KMT2A: variants seen among roughly 807,000 people sequenced by gnomAD.
KMT2A encodes histone-lysine N-methyltransferase 2A.
In KMT2A, 16 loss-of-function variants were observed where a neutral mutation model predicts 345.3. The ratio of observed to expected loss-of-function variants is 0.05; its 90% CI spans 0.03 to 0.07. The LOEUF is 0.07. Among genes scored for constraint, KMT2A ranks in the 10% least tolerant of loss-of-function variants. The pLI is 1.00. For missense variants in KMT2A, 3,272 were observed against 4,841.6 expected, an observed-to-expected ratio of 0.68 and a Z score of 9.62; for synonymous variants, 1,599 against 1,778.6, an observed-to-expected ratio of 0.90 and a Z score of 2.54.
At chr11:118,513,998 C>G (rs1555050877) in intron 31 of KMT2A, among the ~76,000 whole-genome samples, 2 of 146,846 alleles carry the variant, frequency 1.4e-5, no homozygotes, top group Admixed American at 6.8e-5. Context: ...TTTTAAAATT[C>G]TACCCCAAAA....
chr11:118,454,593 G>A (rs1051062869), intron 1 of KMT2A, among the ~76,000 whole-genome samples: 6 of 152,180 alleles, frequency 3.9e-5, no homozygotes, highest in East Asian at 3.8e-4. Context: ...CCCAACTTAC[G>A]AAGGGGCTAC....
rs956277494 is a variant in KMT2A at position 118,511,855 on chromosome 11, G to A, written c.11072-96G>A. The A allele has an allele frequency of 4.5e-5, 42 of 936,262 alleles. No homozygotes were observed. In the East Asian group the frequency reaches 9.3e-4, roughly 21 times the overall value. 58.0% of individuals were successfully genotyped at this position (936,262 alleles called of 1,614,324 possible). ...CTCTAGGAGGGCAAGTGTTCACACT[G>A]TAGGGATTCTAAGCAGTGCTTGTGC... is the stretch of plus-strand genomic sequence containing the variant. On this transcript the variant is annotated intron_variant, in intron 30 of 35. Transcript: ENST00000534358.
Position 118,472,331 on chromosome 11 carries a change from C to T in KMT2A, c.1172C>T (p.Ala391Val), listed in dbSNP as rs1555035831. The T allele has an allele frequency of 6.2e-7, 1 of 1,614,142 alleles. No individual in the cohort carries two copies. The highest frequency in any genetic ancestry group is 8.5e-7 in the Non-Finnish European group (1 of 1,180,024). ...KGAQKKIEKEAAQLQGRKVKT... is the reference protein window; with the variant it reads ...KGAQKKIEKEVAQLQGRKVKT... ...GCTCAAAAGAAAATTGAAAAAGAAGCAGCTCAGCTGCAGGGAAGAAAGGTG... is the reference window on the plus strand; with the variant it reads ...GCTCAAAAGAAAATTGAAAAAGAAGTAGCTCAGCTGCAGGGAAGAAAGGTG... The change falls in exon 3 of 36, where the codon GCA (alanine) becomes GTA (valine). Residue 391 changes from alanine to valine, a missense_variant. This residue lies in a region of KMT2A where 412 missense variants were observed against 511.0 expected (regional missense o/e 0.81). Coordinates refer to ENST00000534358, the MANE Select transcript of KMT2A (RefSeq NM_001197104.2).
rs144742133 is a variant in KMT2A, at chr11:118,521,986, G to T, written c.11733G>T (p.Ser3911=). 1 of 1,614,066 alleles carries T rather than the reference G, an allele frequency of 6.2e-7. No homozygotes were observed. Among genetic ancestry groups the T allele is most frequent in the African/African-American group, 1.3e-5 (1 of 74,912 alleles). Residue 3911 remains serine, a synonymous_variant, in exon 36 of 36, where the codon TCG becomes TCT. Coordinates refer to ENST00000534358, the MANE Select transcript of KMT2A (RefSeq NM_001197104.2). This position sits in a 1 kb window ranked among gnomAD's most constrained non-coding sequence, Gnocchi z 5.3. The stretch of plus-strand genomic sequence containing the variant: ...ATGCTGCACGCTTCATCAATCACTC[G>T]TGTGAGCCTAACTGCTATTCTCGGG... ...HGNAARFINH[S]CEPNCYSRVI...
In KMT2A at chr11:118,520,480, A is replaced by T. The variant is rs1338124328; in HGVS notation, c.11430-322A>T. The T allele has an allele frequency of 2.9e-6, 1 of 348,860 alleles. No homozygotes were observed. Among genetic ancestry groups the T allele is most frequent in the South Asian group, 3.9e-5 (1 of 25,516 alleles). 21.6% of individuals were successfully genotyped at this position (348,860 alleles called of 1,614,324 possible). ...AGCCTGACCAACATAGTGAAACCCT[A>T]TCTCTACTAAAAATACAAAAATTAG... is the stretch of plus-strand genomic sequence containing the variant. On this transcript the variant is annotated intron_variant, in intron 33 of 35. Transcript: ENST00000534358. This position sits in a 1 kb window ranked among gnomAD's most constrained non-coding sequence, Gnocchi z 4.3.
chr11:118,491,350 T>G lies in KMT2A; in HGVS notation c.4819+32T>G. The G allele has an allele frequency of 6.2e-7, 1 of 1,605,934 alleles. No individual in the cohort carries two copies. The highest frequency in any genetic ancestry group is 8.5e-7 in the Non-Finnish European group (1 of 1,175,696). ...GTCTTTTTATTTCAGTTTTCTTCTT[T>G]CTAGGTACTACTACATTTATTAGCC... On this transcript the variant is annotated intron_variant, in intron 14 of 35. Transcript: ENST00000534358. This position sits in a 1 kb window ranked among gnomAD's most constrained non-coding sequence, Gnocchi z 4.2.
At chr11:118,519,014 C>G (rs2135277582) in intron 31 of KMT2A, among the ~76,000 whole-genome samples, 1 of 116,734 alleles carries the variant, frequency 8.6e-6, no homozygotes, top group South Asian at 2.8e-4. Context: ...GGAGGTGGAG[C>G]TTGCAGTGAG....
intron 6 of KMT2A, among the ~76,000 whole-genome samples, chr11:118,480,823 C>A (rs1231437129): frequency 5.3e-5 from 8 of 152,046 alleles, no homozygotes; most frequent in Admixed American, 1.3e-4. Context: ...CCACCACGCC[C>A]AGCTAATTTT....
intron 10 of KMT2A, among the ~76,000 whole-genome samples, chr11:118,486,375 G>GGT (rs1555040885): frequency 1.0e-4 from 15 of 146,626 alleles, no homozygotes; most frequent in African/African-American, 3.7e-4. Flanking sequence ...TGTTTCTCTG[G>GGT]TTTTTTTTTT....
In KMT2A at chr11:118,484,100, T is replaced by C. The variant is rs893424728; in HGVS notation, c.4087-83T>C. The stretch of plus-strand genomic sequence containing the variant: ...TGTTTTTTAGATCTATTAATAAAAT[T>C]TGTCATTTGCATTATTATCTGTTGC... On this transcript the variant is annotated intron_variant, in intron 8 of 35. Transcript: ENST00000534358. This position sits in a 1 kb window ranked among gnomAD's most constrained non-coding sequence, Gnocchi z 4.1. 3 of 1,298,264 alleles carry C rather than the reference T, an allele frequency of 2.3e-6. No homozygotes were observed. 80.4% of individuals were successfully genotyped at this position (1,298,264 alleles called of 1,614,324 possible). A position where few individuals can be genotyped will look rare whatever the true frequency, so the allele number is the denominator to read the frequency against.
chr11:118,449,926 T>C (rs1555028324), intron 1 of KMT2A: 1 of 151,920 alleles, frequency 6.6e-6, no homozygotes, highest in East Asian at 1.9e-4. Context: ...AAAATGAAGT[T>C]AACCACTTAA....
At chr11:118,509,799 G>T in intron 29 of KMT2A, 149 bp from the exon 30 acceptor site, 1 of 573,620 alleles carries the variant, frequency 1.7e-6, no homozygotes, top group Non-Finnish European at 2.8e-6. Context: ...AGCTCTTTGA[G>T]TCTTGGGTTT....
chr11:118,473,300 C>T lies in KMT2A; in HGVS notation c.2141C>T (p.Ser714Phe). ...PSEAHSRIFE[S>F]VTLPSNRTSA... ...GAGGCTCACTCTAGAATATTTGAGT[C>T]TGTAACCTTGCCTAGTAATCGAACT... is the stretch of plus-strand genomic sequence containing the variant. Residue 714 changes from serine to phenylalanine, a missense_variant, in exon 3 of 36, where the codon TCT becomes TTT. Transcript: ENST00000534358. This position sits in a 1 kb window ranked among gnomAD's most constrained non-coding sequence, Gnocchi z 5.2. 2 of 1,613,684 alleles carry T rather than the reference C, an allele frequency of 1.2e-6. No homozygotes were observed. The highest frequency in any genetic ancestry group is 1.7e-6 in the Non-Finnish European group (2 of 1,179,842).
rs1555035714 is a variant in KMT2A at position 118,472,106 on chromosome 11, C to T, written c.947C>T (p.Ser316Leu). Residue 316 changes from serine to leucine, a missense_variant, in exon 3 of 36, where the codon TCG (serine) becomes TTG (leucine). By Grantham distance (145) the Ser-to-Leu change is moderately radical (BLOSUM62 -2). Coordinates refer to ENST00000534358, the MANE Select transcript of KMT2A (RefSeq NM_001197104.2). ...PPSTERIKTP[S>L]GLLINSELEK... is the part of the protein sequence containing the mutation. ...TCAACAGAAAGGATAAAGACCCCTT[C>T]GGGTCTCCTCATTAATTCTGAACTG... is the stretch of plus-strand genomic sequence containing the variant. 2 of 1,613,826 alleles carry T rather than the reference C, an allele frequency of 1.2e-6. No homozygotes were observed. Among genetic ancestry groups the T allele is most frequent in the Non-Finnish European group, 1.7e-6 (2 of 1,179,856 alleles).
chr11:118,493,035 A>C lies in KMT2A; in HGVS notation c.5005-22A>C. ...CTTGGTTTTAGTGTTAGATAAAAGC[A>C]ACATATCTTTCCTGGCAATAGGCTG... On this transcript the variant is annotated intron_variant, in intron 15 of 35. Coordinates refer to ENST00000534358, the MANE Select transcript of KMT2A (RefSeq NM_001197104.2). This position sits in a 1 kb window ranked among gnomAD's most constrained non-coding sequence, Gnocchi z 5.8. The C allele has an allele frequency of 1.2e-6, 2 of 1,607,264 alleles. No individual in the cohort carries two copies. Among genetic ancestry groups the C allele is most frequent in the Non-Finnish European group, 1.7e-6 (2 of 1,175,614 alleles).
At chr11:118,440,530 A>G (rs1555139886) in intron 1 of KMT2A, among the ~76,000 whole-genome samples, 2 of 152,184 alleles carry the variant, frequency 1.3e-5, no homozygotes, top group African/African-American at 4.8e-5. Context: ...TTTATCAGTA[A>G]CTAGTCTTCG....
chr11:118,468,516 CTG>C (rs1161699012), intron 1 of KMT2A, among the ~76,000 whole-genome samples: 13 of 152,176 alleles, frequency 8.5e-5, no homozygotes, highest in Non-Finnish European at 1.2e-4. Flanking sequence ...GGACTATCCT[CTG>C]TGTACTATGC....
chr11:118,477,498 C>CTTTTTTTTTTTTTTTTTTTTTTTTT lies in KMT2A; in HGVS notation c.3335-466_3335-442dup, dbSNP rs11430367. ...CTTTCATCAAGATGCAAGTTATTGGCTTTTTTTTTTTTTTTTTTTTTTTTT... is the reference window on the plus strand; with the variant it reads ...CTTTCATCAAGATGCAAGTTATTGGCTTTTTTTTTTTTTTTTTTTTTTTTTTTTTTTTTTTTTTTTTTTTTTTTTT... On this transcript the variant is annotated intron_variant, in intron 4 of 35. Coordinates refer to ENST00000534358, the MANE Select transcript of KMT2A (RefSeq NM_001197104.2). 1.2e-4 allele frequency among the ~76,000 whole-genome samples: 7 copies of CTTTTTTTTTTTTTTTTTTTTTTTTT among 56,944 alleles called. 3 individuals carry two copies. The East Asian group carries it at 2.8e-3, about 22-fold the overall frequency. The allele number at this position is 56,944 out of a possible 152,430, so 37.4% of individuals were successfully genotyped here. A position where few individuals can be genotyped will look rare whatever the true frequency, so the allele number is the denominator to read the frequency against.
Position 118,491,987 on chromosome 11 carries a change from T to G in KMT2A, c.5004+59T>G. The G allele has an allele frequency of 8.5e-7, 1 of 1,173,972 alleles. No homozygotes were observed. The highest frequency in any genetic ancestry group is 1.2e-6 in the Non-Finnish European group (1 of 827,554). 72.7% of individuals were successfully genotyped at this position (1,173,972 alleles called of 1,614,324 possible). A position where few individuals can be genotyped will look rare whatever the true frequency, so the allele number is the denominator to read the frequency against. On this transcript the variant is annotated intron_variant, in intron 15 of 35. Coordinates refer to ENST00000534358, the MANE Select transcript of KMT2A (RefSeq NM_001197104.2). This position sits in a 1 kb window ranked among gnomAD's most constrained non-coding sequence, Gnocchi z 4.2. ...TTCTTAGGTAGTCTTTACCTAGTGT[T>G]TTTCTTTTGTTTTACTTCATTCTCC...
Sources: allele counts gnomAD v4.1 joint callset (sites outside exome capture counted in the v4.1 genomes callset), GRCh38; gene constraint gnomAD v4.1.1; regional missense constraint gnomAD v4.1.1; non-coding constraint Gnocchi (gnomAD v3.1); transcripts MANE v1.5; gene names NCBI Gene and HGNC (gene_info 2026-07-23, HGNC 2026-07-21).